The following PACS1 variants were observed in gnomAD, a reference collection of about 807,000 sequenced individuals.
PACS1 encodes the protein PACS-1.
A neutral mutation model predicts 115.0 loss-of-function variants in PACS1; 24 were observed. The observed-to-expected ratio is 0.21, with a 90% CI of 0.15 to 0.29. The LOEUF is 0.29. Ranked by LOEUF, PACS1 falls within the 10% of genes least tolerant of loss-of-function variation. The pLI is 1.00. For missense variants in PACS1, 838 were observed against 1,251.2 expected, an observed-to-expected ratio of 0.67 and a Z score of 4.98; for synonymous variants, 453 against 504.5, an observed-to-expected ratio of 0.90 and a Z score of 1.37.
chr11:66,199,176 G>C (rs183340197), intron 2 of PACS1, among the ~76,000 whole-genome samples: 4 of 152,034 alleles, frequency 2.6e-5, no homozygotes, highest in Non-Finnish European at 1.5e-5. Context: ...TTAGCCAAGC[G>C]TGGTGGCGGG....
chr11:66,221,032 C>A, intron 9 of PACS1, 122 bp from the exon 10 acceptor site: 1 of 983,792 alleles, frequency 1.0e-6, no homozygotes, highest in Non-Finnish European at 1.6e-6. Context: ...CTTCCCTGCT[C>A]ACCGGGCGTT....
chr11:66,178,131 A>G (rs1590799650), intron 1 of PACS1, among the ~76,000 whole-genome samples: 1 of 152,344 alleles, frequency 6.6e-6, no homozygotes, highest in East Asian at 1.9e-4. Flanking sequence ...GTAAAGAATC[A>G]CATTACAACA....
intron 1 of PACS1, among the ~76,000 whole-genome samples, chr11:66,091,263 C>A (rs1367499638): frequency 6.6e-6 from 1 of 152,058 alleles, no homozygotes; most frequent in Non-Finnish European, 1.5e-5. Context: ...GCCTCAACCT[C>A]CCGAGTCTCT....
At chr11:66,120,625 C>T (rs549099616) in intron 1 of PACS1, among the ~76,000 whole-genome samples, 1 of 152,310 alleles carries the variant, frequency 6.6e-6, no homozygotes, top group South Asian at 2.1e-4. Context: ...TATAATATAG[C>T]TGTGGTTCAA....
chr11:66,126,111 T>A (rs1858565982), intron 1 of PACS1, among the ~76,000 whole-genome samples: 1 of 152,158 alleles, frequency 6.6e-6, no homozygotes, highest in African/African-American at 2.4e-5. Context: ...TAGTCCACTT[T>A]ATGTGTTAGT....
chr11:66,100,543 G>A (rs1857893454), intron 1 of PACS1, among the ~76,000 whole-genome samples: 1 of 152,164 alleles, frequency 6.6e-6, no homozygotes. Flanking sequence ...GATTTACTCT[G>A]CAAAATCATA....
chr11:66,227,722 T>G (rs1232612710), intron 11 of PACS1, 138 bp downstream of exon 11: 2 of 564,712 alleles, frequency 3.5e-6, no homozygotes, highest in Non-Finnish European at 6.3e-6. Flanking sequence ...GCACTCTCTT[T>G]CTCCTGAAAT....
intron 1 of PACS1, among the ~76,000 whole-genome samples, chr11:66,072,411 T>C (rs1252332398): frequency 6.6e-6 from 1 of 152,038 alleles, no homozygotes; most frequent in Non-Finnish European, 1.5e-5. Context: ...TATGGAGGGG[T>C]GGGATTGCCG....
intron 11 of PACS1, among the ~76,000 whole-genome samples, chr11:66,229,185 G>A (rs1453002468): frequency 2.2e-5 from 3 of 137,312 alleles, no homozygotes; most frequent in South Asian, 2.3e-4. Context: ...AGACCAGCCC[G>A]GGCAACATGG....
intron 7 of PACS1, 104 bp from the exon 8 acceptor site, chr11:66,219,642 C>G (rs887910535): frequency 5.6e-6 from 5 of 895,946 alleles, no homozygotes; most frequent in Non-Finnish European, 1.9e-6. Context: ...GTCTTCGTGT[C>G]TTCCCACAGC....
chr11:66,188,527 G>A (rs1854440442), intron 1 of PACS1, among the ~76,000 whole-genome samples: 1 of 152,130 alleles, frequency 6.6e-6, no homozygotes, highest in Non-Finnish European at 1.5e-5. Flanking sequence ...GGAATTATCA[G>A]CCTTTATAAT....
At chr11:66,115,303 A>G (rs1299678666) in intron 1 of PACS1, among the ~76,000 whole-genome samples, 1 of 151,796 alleles carries the variant, frequency 6.6e-6, no homozygotes, top group Non-Finnish European at 1.5e-5. Context: ...ATGTTTTCCC[A>G]TGGAGCTGGA....
intron 21 of PACS1, 98 bp downstream of exon 21, chr11:66,239,375 A>G: frequency 7.0e-7 from 1 of 1,432,060 alleles, no homozygotes; most frequent in South Asian, 1.4e-5. Context: ...TAGCCACAGG[A>G]AGCCGGGCGT....
intron 1 of PACS1, among the ~76,000 whole-genome samples, chr11:66,108,095 A>C (rs968600315): frequency 6.6e-6 from 1 of 152,208 alleles, no homozygotes; most frequent in African/African-American, 2.4e-5. Context: ...GTTAGTCTGC[A>C]TGGGCTACCA....
chr11:66,182,853 T>C (rs2134657560), intron 1 of PACS1, among the ~76,000 whole-genome samples: 1 of 152,296 alleles, frequency 6.6e-6, no homozygotes, highest in South Asian at 2.1e-4. Flanking sequence ...TGCCTTAAGC[T>C]GGGTGTGGTT....
chr11:66,158,907 C>T (rs1044921013), intron 1 of PACS1, among the ~76,000 whole-genome samples: 4 of 151,958 alleles, frequency 2.6e-5, no homozygotes, highest in Non-Finnish European at 4.4e-5. Context: ...TGAAAAAGAC[C>T]CTCAACAGAG....
At chr11:66,073,456 G>T (rs1857344356) in intron 1 of PACS1, among the ~76,000 whole-genome samples, 1 of 152,148 alleles carries the variant, frequency 6.6e-6, no homozygotes, top group African/African-American at 2.4e-5. Flanking sequence ...CATGGGATTT[G>T]GTCTCTTAGG....
chr11:66,137,134 C>A (rs2134587692), intron 1 of PACS1, among the ~76,000 whole-genome samples: 1 of 150,950 alleles, frequency 6.6e-6, no homozygotes, highest in South Asian at 2.1e-4. Flanking sequence ...TTTAAAATGA[C>A]CTCTGGACTT....
At chr11:66,237,950 T>C in intron 19 of PACS1, 2 of 489,136 alleles carry the variant, frequency 4.1e-6, no homozygotes, top group Non-Finnish European at 5.3e-6. Flanking sequence ...GTGCGGTAGA[T>C]TTCGCCCCAT....
Sources: allele counts gnomAD v4.1 joint callset (sites outside exome capture counted in the v4.1 genomes callset), GRCh38; gene constraint gnomAD v4.1.1; transcripts MANE v1.5; gene names NCBI Gene and HGNC (gene_info 2026-07-23, HGNC 2026-07-21).